RANBP2: variants seen among roughly 807,000 people sequenced by gnomAD.
The protein encoded by RANBP2 is RAN binding protein 2.
Under a neutral mutation model 303.6 loss-of-function variants are expected in RANBP2, and 57 were observed. That is an observed-to-expected ratio of 0.19 (90% CI 0.15 to 0.23). The LOEUF is 0.23. Ranked by LOEUF, RANBP2 falls within the 10% of genes least tolerant of loss-of-function variation. The pLI is 1.00. For missense variants in RANBP2, 3,138 were observed against 3,780.8 expected (o/e 0.83, Z 4.46); for synonymous variants, 1,167 against 1,301.5 (o/e 0.90, Z 2.23).
chr2:108,865,735 CACGGT>C, the RANBP2 span, among the ~76,000 whole-genome samples: 6 of 152,150 alleles, frequency 3.9e-5, no homozygotes, highest in African/African-American at 1.4e-4. Context: ...TGGTTGGACA[CACGGT>C]ACTCCCCTAT....
At chr2:108,958,493 G>A in the RANBP2 span, among the ~76,000 whole-genome samples, 3 of 152,054 alleles carry the variant, frequency 2.0e-5, no homozygotes, top group African/African-American at 4.8e-5. Context: ...ACAAGGGTGC[G>A]TTTGTTCAGG....
chr2:109,699,803 T>C, the RANBP2 span, among the ~76,000 whole-genome samples: 15 of 152,274 alleles, frequency 9.9e-5, no homozygotes, highest in East Asian at 2.9e-3. Context: ...CTCGGCTCAG[T>C]GAGACCTCGG....
At chr2:109,370,505 C>T in the RANBP2 span, among the ~76,000 whole-genome samples, 18 of 152,172 alleles carry the variant, frequency 1.2e-4, no homozygotes, top group African/African-American at 4.3e-4. Flanking sequence ...TCCCAAAGTG[C>T]TGTGATTACA....
the RANBP2 span, among the ~76,000 whole-genome samples, chr2:109,547,880 TA>T: frequency 6.6e-6 from 1 of 152,190 alleles, no homozygotes; most frequent in Non-Finnish European, 1.5e-5. Context: ...CCACCCTGGG[TA>T]GTTCTTTCTG....
At chr2:109,553,305 G>GATT in the RANBP2 span, 2 of 1,417,618 alleles carry the variant, frequency 1.4e-6, no homozygotes, top group Non-Finnish European at 1.9e-6. Flanking sequence ...AACACTTTGG[G>GATT]AGGCCGAGGC....
At chr2:109,589,023 C>T in the RANBP2 span, among the ~76,000 whole-genome samples, 6 of 151,766 alleles carry the variant, frequency 4.0e-5, no homozygotes, top group Admixed American at 6.6e-5. Flanking sequence ...GTCCACCTCC[C>T]GAGTTTAAGT....
At chr2:108,853,045 C>T in the RANBP2 span, among the ~76,000 whole-genome samples, 8 of 152,016 alleles carry the variant, frequency 5.3e-5, no homozygotes, top group Middle Eastern at 3.5e-3. Context: ...CATAACCTTT[C>T]GTGAGATCTA....
chr2:108,748,950 A>T lies in RANBP2; in HGVS notation c.1094A>T (p.Lys365Met). 6.2e-7 allele frequency: 1 copy of T among 1,612,034 alleles called. No individual in the cohort carries two copies. Among genetic ancestry groups the T allele is most frequent in the Non-Finnish European group, 8.5e-7 (1 of 1,179,864 alleles). The change falls in exon 9 of 29, where the codon AAG (lysine) becomes ATG (methionine). Residue 365 changes from lysine to methionine, a missense_variant. Around this residue, in one of 20 missense-constraint regions of RANBP2, gnomAD observed 95 missense variants for 86.4 expected, o/e 1.10. Transcript: ENST00000283195. ...ATGTTGCTAAACTTAAGTCGTGGCA[A>T]GCAAGATTTTTTAAAAGAGATTGTT... ...GHMLLNLSRGKQDFLKEIVET... is the reference protein window; with the variant it reads ...GHMLLNLSRGMQDFLKEIVET...
the RANBP2 span, among the ~76,000 whole-genome samples, chr2:109,081,826 C>T: frequency 6.6e-6 from 1 of 152,246 alleles, no homozygotes; most frequent in African/African-American, 2.4e-5. Flanking sequence ...TGCAGAAACA[C>T]ATCCTTGCTA....
the RANBP2 span, among the ~76,000 whole-genome samples, chr2:109,725,940 T>G: frequency 6.6e-6 from 1 of 151,986 alleles, no homozygotes; most frequent in Admixed American, 6.6e-5. Flanking sequence ...ACCACATTGG[T>G]CAGGCTGGTC....
the RANBP2 span, chr2:109,614,822 G>T: frequency 7.0e-6 from 10 of 1,437,820 alleles, 1 homozygote; most frequent in South Asian, 1.4e-4. Flanking sequence ...GCCCTGCCGG[G>T]CCCGAGGCGC....
intron 7 of RANBP2, among the ~76,000 whole-genome samples, chr2:108,741,919 T>A (rs1478808038): frequency 6.6e-6 from 1 of 151,372 alleles, no homozygotes; most frequent in Non-Finnish European, 1.5e-5. Context: ...TGATTGTTAA[T>A]TTTAGAGAAG....
the RANBP2 span, among the ~76,000 whole-genome samples, chr2:109,312,503 ACT>A: frequency 2.7e-5 from 4 of 149,832 alleles, no homozygotes; most frequent in Non-Finnish European, 4.5e-5. Context: ...CCAAAAGGAA[ACT>A]CTCTACCCAT....
the RANBP2 span, among the ~76,000 whole-genome samples, chr2:109,725,511 T>C: frequency 1.3e-5 from 2 of 152,176 alleles, no homozygotes; most frequent in African/African-American, 4.8e-5. Flanking sequence ...AGGCTGGCAT[T>C]TCTTGCTGCT....
the RANBP2 span, among the ~76,000 whole-genome samples, chr2:109,463,634 G>A: frequency 2.6e-5 from 4 of 152,202 alleles, no homozygotes; most frequent in Admixed American, 6.5e-5. Flanking sequence ...AAGCAATGGG[G>A]AAGAAGCCAT....
the RANBP2 span, among the ~76,000 whole-genome samples, chr2:109,305,283 G>T: frequency 6.6e-6 from 1 of 152,102 alleles, no homozygotes; most frequent in Non-Finnish European, 1.5e-5. Flanking sequence ...GACTGGAGGC[G>T]TTTTGACTGA....
chr2:109,719,988 C>T, the RANBP2 span, among the ~76,000 whole-genome samples: 3 of 152,116 alleles, frequency 2.0e-5, no homozygotes, highest in Non-Finnish European at 4.4e-5. Context: ...CTGGAAACTG[C>T]TGTTCTACCG....
At chr2:109,467,512 T>C in the RANBP2 span, among the ~76,000 whole-genome samples, 310 of 152,264 alleles carry the variant, frequency 2.0e-3, 3 homozygotes, top group South Asian at 0.021. Flanking sequence ...CTGGGGGGCT[T>C]GGGCCCACCG....
At chr2:108,832,041 C>CT in the RANBP2 span, among the ~76,000 whole-genome samples, 13 of 150,760 alleles carry the variant, frequency 8.6e-5, no homozygotes, top group African/African-American at 3.2e-4. Context: ...CTTTTTTTCT[C>CT]TTTTTTGAAA....
Sources: allele counts gnomAD v4.1 joint callset (sites outside exome capture counted in the v4.1 genomes callset), GRCh38; gene constraint gnomAD v4.1.1; regional missense constraint gnomAD v4.1.1; transcripts MANE v1.5; gene names NCBI Gene and HGNC (gene_info 2026-07-23, HGNC 2026-07-21).